SNX24: variants seen among roughly 807,000 people sequenced by gnomAD.
SNX24 encodes sorting nexin 24.
A neutral mutation model predicts 28.7 loss-of-function variants in SNX24; 22 were observed. The ratio of observed to expected loss-of-function variants is 0.77; its 90% confidence interval spans 0.55 to 1.10. The LOEUF is 1.10. Ranked by LOEUF, SNX24 falls within the 50% of genes least tolerant of loss-of-function variation. The pLI, the probability that SNX24 is intolerant of heterozygous loss-of-function variation, is 0.00. For missense variants in SNX24, 221 were observed against 201.1 expected (o/e 1.10, Z -0.60); for synonymous variants, 69 against 71.5 (o/e 0.96, Z 0.18).
chr5:122,973,667 G>A (rs1761048761), intron 3 of SNX24, among the ~76,000 whole-genome samples: 1 of 152,196 alleles, frequency 6.6e-6, no homozygotes, highest in African/African-American at 2.4e-5. Flanking sequence ...TGCTGTGCAT[G>A]ACCCACTTTA....
At chr5:122,967,753 A>G (rs190523533) in intron 3 of SNX24, among the ~76,000 whole-genome samples, 63 of 152,264 alleles carry the variant, frequency 4.1e-4, no homozygotes, top group Non-Finnish European at 7.8e-4. Flanking sequence ...CTTATGAGTT[A>G]TATTATCTGC....
chr5:123,028,121 C>T (rs1762887499), intron 5 of SNX24, among the ~76,000 whole-genome samples: 1 of 152,226 alleles, frequency 6.6e-6, no homozygotes. Context: ...AACCACCACC[C>T]TGTAAACTCA....
At chr5:122,994,881 C>G (rs536395348) in intron 3 of SNX24, among the ~76,000 whole-genome samples, 1 of 152,150 alleles carries the variant, frequency 6.6e-6, no homozygotes, top group South Asian at 2.1e-4. Context: ...TTACAAAATA[C>G]ACTCTATTGC....
At chr5:123,011,427 C>A (rs562551243), downstream of SNX24, among the ~76,000 whole-genome samples, 551 of 152,326 alleles carry the variant, frequency 3.6e-3, 4 homozygotes, top group African/African-American at 0.012. Context: ...GCCATGTGAA[C>A]AACCCCAATA....
At chr5:122,991,705 C>G (rs1326978196) in intron 3 of SNX24, among the ~76,000 whole-genome samples, 1 of 152,198 alleles carries the variant, frequency 6.6e-6, no homozygotes, top group Non-Finnish European at 1.5e-5. Flanking sequence ...AAGTGATCCA[C>G]CCGCCTTGGC....
At chr5:123,023,806 CA>C (rs1554081578) in intron 5 of SNX24, 2 of 1,146,866 alleles carry the variant, frequency 1.7e-6, no homozygotes, top group South Asian at 1.9e-5. Flanking sequence ...AAAGACAACA[CA>C]ACACACACAC....
At position 122,973,679 on chromosome 5, in the gene SNX24, G is replaced by A. The variant is rs191583343; in HGVS notation, c.250-26233G>A. On this transcript the variant is annotated intron_variant, in intron 3 of 6. Coordinates refer to ENST00000261369, the MANE Select transcript of SNX24 (RefSeq NM_014035.4). ...AGCTGCTGTGCATGACCCACTTTAT[G>A]GCTAGATGGATCAAAAAGCATCCTG... is the stretch of plus-strand genomic sequence containing the variant. 8.3e-4 allele frequency among the ~76,000 whole-genome samples: 126 copies of A among 152,282 alleles called. 1 individual carries two copies. The highest frequency in any genetic ancestry group is 1.3e-3 in the Non-Finnish European group (91 of 68,020).
chr5:122,999,663 A>G (rs1415297454), intron 3 of SNX24, among the ~76,000 whole-genome samples: 1 of 152,160 alleles, frequency 6.6e-6, no homozygotes, highest in Non-Finnish European at 1.5e-5. Flanking sequence ...CATCTAGTGT[A>G]TAGTAGGTGC....
intron 3 of SNX24, among the ~76,000 whole-genome samples, chr5:122,973,135 C>G (rs1445191607): frequency 6.6e-6 from 1 of 152,234 alleles, no homozygotes; most frequent in Non-Finnish European, 1.5e-5. Context: ...GAAATATCTT[C>G]ACAGGTTTTG....
intron 1 of SNX24, among the ~76,000 whole-genome samples, chr5:122,911,427 C>G (rs1343196602): frequency 6.6e-6 from 1 of 152,064 alleles, no homozygotes; most frequent in African/African-American, 2.4e-5. Context: ...GTTGCCTGTT[C>G]ACTCTGATGG....
downstream of SNX24, among the ~76,000 whole-genome samples, chr5:123,010,918 T>A (rs1027712047): frequency 5.4e-5 from 8 of 147,316 alleles, no homozygotes; most frequent in South Asian, 2.1e-4. Context: ...ATTCTCTTTT[T>A]AAAAAAAAAA....
chr5:122,888,090 A>G (rs1365920089), intron 1 of SNX24, among the ~76,000 whole-genome samples: 2 of 152,148 alleles, frequency 1.3e-5, no homozygotes, highest in African/African-American at 2.4e-5. Flanking sequence ...GATTTATCCT[A>G]TTCTAATGGG....
At chr5:122,867,074 G>A (rs1248130374) in intron 1 of SNX24, among the ~76,000 whole-genome samples, 2 of 152,176 alleles carry the variant, frequency 1.3e-5, no homozygotes, top group Admixed American at 1.3e-4. Context: ...ATTATATGTT[G>A]ATTGAGAGCA....
chr5:122,920,699 CTG>C (rs1165200695), intron 1 of SNX24, among the ~76,000 whole-genome samples: 6 of 152,180 alleles, frequency 3.9e-5, no homozygotes, highest in African/African-American at 1.4e-4. Context: ...ATTTTCCTAT[CTG>C]TGTGGCTAAT....
At chr5:123,001,802 T>C (rs1005442684) in intron 5 of SNX24, 138 bp from the exon 6 acceptor site, 33 of 713,802 alleles carry the variant, frequency 4.6e-5, no homozygotes, top group Non-Finnish European at 7.6e-5. Context: ...CTCTGCGTGC[T>C]ATTATTCACC....
chr5:122,853,115 C>CTTTTTTTTTT (rs10530519), intron 1 of SNX24, among the ~76,000 whole-genome samples: 1 of 71,588 alleles, frequency 1.4e-5, no homozygotes, highest in Non-Finnish European at 2.5e-5. Context: ...GTTCTTTAGC[C>CTTTTTTTTTT]TTTTTTTTTT....
chr5:122,928,718 A>G (rs1758816663), intron 1 of SNX24, among the ~76,000 whole-genome samples: 1 of 151,942 alleles, frequency 6.6e-6, no homozygotes. Flanking sequence ...CCTTGATTTT[A>G]GCCCATGAGA....
Position 122,889,638 on chromosome 5 carries a change from T to C in SNX24, c.60+43945T>C, listed in dbSNP as rs533437938. 2.0e-3 allele frequency among the ~76,000 whole-genome samples: 242 copies of C among 122,872 alleles called. 9 individuals carry two copies. The Admixed American group carries it at 0.02, about 10-fold the overall frequency. The allele number at this position is 122,872 out of a possible 152,430, so 80.6% of individuals were successfully genotyped here. A position where few individuals can be genotyped will look rare whatever the true frequency, so the allele number is the denominator to read the frequency against. On this transcript the variant is annotated intron_variant, in intron 1 of 6. Transcript: ENST00000261369. Reference sequence around the variant, plus strand: ...ATATATATATACACATATATATATATACACATACATATGTATATATATGTG... The same window carrying C: ...ATATATATATACACATATATATATACACACATACATATGTATATATATGTG...
chr5:122,929,407 G>T (rs1334934878), intron 1 of SNX24, among the ~76,000 whole-genome samples: 1 of 151,956 alleles, frequency 6.6e-6, no homozygotes. Flanking sequence ...AGGGGAAAAA[G>T]AAGCATTTTA....
Sources: gnomAD v4.1 joint callset for allele counts (sites outside exome capture counted in the v4.1 genomes callset) on GRCh38, gnomAD v4.1.1 for gene constraint, MANE v1.5 for transcripts, NCBI Gene and HGNC (gene_info 2026-07-23, HGNC 2026-07-21) for gene names.